The following CRPPA variants were observed in gnomAD, a reference collection of about 807,000 sequenced individuals.
CRPPA encodes D-ribitol-5-phosphate cytidylyltransferase.
In CRPPA, 43 loss-of-function variants were observed where a neutral mutation model predicts 52.0. The observed-to-expected ratio is 0.83, with a 90% confidence interval of 0.65 to 1.07. The LOEUF is 1.07. Ranked by LOEUF, CRPPA falls within the 50% of genes least tolerant of loss-of-function variation. The pLI is 0.00. For synonymous variants in CRPPA, 250 were observed against 203.5 expected (o/e 1.23, Z -1.94); for missense variants, 629 against 551.7 (o/e 1.14, Z -1.40).
At chr7:16,180,320 T>C (rs1781385441) in intron 9 of CRPPA, among the ~76,000 whole-genome samples, 1 of 152,096 alleles carries the variant, frequency 6.6e-6, no homozygotes, top group Non-Finnish European at 1.5e-5. Context: ...ATAGGTACAA[T>C]TTAAAAATAT....
chr7:16,329,570 A>G (rs959647565), intron 3 of CRPPA, among the ~76,000 whole-genome samples: 4 of 152,192 alleles, frequency 2.6e-5, no homozygotes, highest in African/African-American at 7.2e-5. Context: ...ATTTACGTCA[A>G]TCTGAAGGTT....
chr7:16,381,757 G>T (rs1182933832), intron 2 of CRPPA, among the ~76,000 whole-genome samples: 1 of 151,696 alleles, frequency 6.6e-6, no homozygotes, highest in African/African-American at 2.4e-5. Context: ...GGCCTTCTTT[G>T]TCTCTTTCGA....
intron 9 of CRPPA, among the ~76,000 whole-genome samples, chr7:16,201,549 G>A (rs1439111260): frequency 6.6e-6 from 1 of 152,110 alleles, no homozygotes; most frequent in Non-Finnish European, 1.5e-5. Context: ...GCTGTCGAGA[G>A]CTTTTCTTTC....
At position 16,216,055 on chromosome 7, in the gene CRPPA, A is replaced by T; in HGVS notation, c.1251+11T>A. Reference sequence around the variant, plus strand: ...CAGAACATACATTCGGAAGATAAACATTTTACCTACCTGTGGGTAAGATAT... The same window carrying T: ...CAGAACATACATTCGGAAGATAAACTTTTTACCTACCTGTGGGTAAGATAT... On this transcript the variant is annotated intron_variant, in intron 9 of 9. Transcript: ENST00000407010. 6.4e-7 allele frequency: 1 copy of T among 1,571,806 alleles called. No homozygotes were observed. Among genetic ancestry groups the T allele is most frequent in the African/African-American group, 1.4e-5 (1 of 72,746 alleles).
chr7:16,238,046 T>G (rs940671768), intron 8 of CRPPA, among the ~76,000 whole-genome samples: 2 of 152,176 alleles, frequency 1.3e-5, no homozygotes, highest in African/African-American at 2.4e-5. Flanking sequence ...ACCAGGGAAT[T>G]TGTCAACTCC....
At chr7:16,324,041 T>A (rs528944215) in intron 3 of CRPPA, among the ~76,000 whole-genome samples, 2 of 152,222 alleles carry the variant, frequency 1.3e-5, no homozygotes, top group East Asian at 3.9e-4. Context: ...GTCCATGCAC[T>A]GGCGACGTTC....
At chr7:16,402,852 C>A (rs1025588679) in intron 2 of CRPPA, among the ~76,000 whole-genome samples, 3 of 151,812 alleles carry the variant, frequency 2.0e-5, no homozygotes, top group African/African-American at 7.3e-5. Context: ...GTTGTCAGGA[C>A]CAGAAATGGG....
At chr7:16,286,077 ATAT>A (rs1562608608) in intron 5 of CRPPA, among the ~76,000 whole-genome samples, 18 of 42,254 alleles carry the variant, frequency 4.3e-4, no homozygotes, top group Non-Finnish European at 5.8e-4. Flanking sequence ...ATATATATAT[ATAT>A]AATATTTAAA....
intron 6 of CRPPA, chr7:16,266,406 G>A (rs571800888): frequency 6.6e-6 from 1 of 151,838 alleles, no homozygotes; most frequent in Non-Finnish European, 1.5e-5. Context: ...CCATGGAATG[G>A]AAAATGACAA....
intron 3 of CRPPA, among the ~76,000 whole-genome samples, chr7:16,369,668 G>T (rs1172160180): frequency 2.0e-5 from 3 of 152,106 alleles, no homozygotes; most frequent in African/African-American, 7.2e-5. Context: ...AAATAAGTAT[G>T]ATCTTTTTTT....
At chr7:16,328,478 C>A (rs985236574) in intron 3 of CRPPA, among the ~76,000 whole-genome samples, 4 of 120,534 alleles carry the variant, frequency 3.3e-5, no homozygotes, top group African/African-American at 1.1e-4. Flanking sequence ...AAAAGAACCA[C>A]AGATAAATAG....
At chr7:16,181,912 A>C (rs1781419794) in intron 9 of CRPPA, among the ~76,000 whole-genome samples, 1 of 152,008 alleles carries the variant, frequency 6.6e-6, no homozygotes, top group African/African-American at 2.4e-5. Context: ...CAGGTTTTTA[A>C]GCTGTTTAAT....
intron 3 of CRPPA, among the ~76,000 whole-genome samples, chr7:16,346,931 C>A (rs1433095241): frequency 1.3e-5 from 2 of 152,014 alleles, no homozygotes; most frequent in African/African-American, 2.4e-5. Context: ...AGATCTGCAG[C>A]TATAAGCAAA....
intron 6 of CRPPA, among the ~76,000 whole-genome samples, chr7:16,263,759 A>T (rs1354013612): frequency 1.3e-5 from 2 of 151,902 alleles, no homozygotes; most frequent in Non-Finnish European, 2.9e-5. Flanking sequence ...TTCAAAATAA[A>T]AAAAAAAAAG....
At chr7:16,400,256 G>C (rs907860882) in intron 2 of CRPPA, among the ~76,000 whole-genome samples, 1 of 152,196 alleles carries the variant, frequency 6.6e-6, no homozygotes, top group Non-Finnish European at 1.5e-5. Flanking sequence ...TGATCAACAC[G>C]TGATTGTCAC....
chr7:16,406,639 T>C (rs1356376800), intron 1 of CRPPA, among the ~76,000 whole-genome samples: 3 of 152,212 alleles, frequency 2.0e-5, no homozygotes, highest in Non-Finnish European at 2.9e-5. Context: ...ATTTGAATAA[T>C]TAGAATATAG....
chr7:16,166,056 T>A (rs1208977947), intron 9 of CRPPA, among the ~76,000 whole-genome samples: 2 of 152,218 alleles, frequency 1.3e-5, no homozygotes, highest in Non-Finnish European at 2.9e-5. Context: ...TACCCCTTTA[T>A]TCCTTACCTC....
intron 9 of CRPPA, among the ~76,000 whole-genome samples, chr7:16,189,540 G>C (rs1323594276): frequency 6.6e-6 from 1 of 152,144 alleles, no homozygotes; most frequent in Non-Finnish European, 1.5e-5. Context: ...ATCTGAATCA[G>C]GAACAAAGCC....
chr7:16,108,967 CA>C (rs949603144), intron 9 of CRPPA, among the ~76,000 whole-genome samples: 6 of 151,332 alleles, frequency 4.0e-5, no homozygotes, highest in Admixed American at 6.6e-5. Context: ...TAAATGCCTA[CA>C]TCAAAAAAAG....
Sources: allele counts gnomAD v4.1 joint callset (sites outside exome capture counted in the v4.1 genomes callset), GRCh38; gene constraint gnomAD v4.1.1; transcripts MANE v1.5; gene names NCBI Gene and HGNC (gene_info 2026-07-23, HGNC 2026-07-21).